Variants in GABRG3 observed in about 807,000 individuals in gnomAD.
GABRG3 encodes gamma-aminobutyric acid type A receptor subunit gamma3.
A neutral mutation model predicts 48.8 loss-of-function variants in GABRG3; 25 were observed. The observed-to-expected ratio is 0.51, with a 90% CI of 0.37 to 0.72. GABRG3 has a LOEUF of 0.72. GABRG3 is among the 30% of genes least tolerant of loss of function. The probability of loss-of-function intolerance (pLI) is 0.00; values close to 1 mark genes in which losing one functional copy is unlikely to be tolerated. For synonymous variants in GABRG3, 227 were observed against 217.6 expected (o/e 1.04, Z -0.38); for missense variants, 394 against 577.9 (o/e 0.68, Z 3.26).
rs558726717 is a variant in GABRG3, at chr15:27,499,085, C to T, written c.712+18298C>T. ...GCAGTGGTGCTAAGGGCGGTGTTTT[C>T]GGCATCCCAAGATAACCAACCTCAT... On this transcript the variant is annotated intron_variant, in intron 6 of 9. Transcript: ENST00000615808. 7.9e-5 allele frequency among the ~76,000 whole-genome samples: 12 copies of T among 152,226 alleles called. No individual in the cohort carries two copies. The East Asian group carries it at 2.1e-3, about 27-fold the overall frequency.
chr15:27,388,352 GTAAGGAAGGAAGGAA>G (rs1896099421), intron 5 of GABRG3, among the ~76,000 whole-genome samples: 1 of 32,290 alleles, frequency 3.1e-5, no homozygotes, highest in African/African-American at 1.1e-4. Context: ...GGGAGGGAGG[GTAAGGAAGGAAGGAA>G]GAAAGGAAGG....
At chr15:27,089,156 G>A (rs1335575685) in intron 3 of GABRG3, among the ~76,000 whole-genome samples, 2 of 152,222 alleles carry the variant, frequency 1.3e-5, no homozygotes, top group Non-Finnish European at 2.9e-5. Context: ...ACTTGTGGGT[G>A]CAAAGAATGG....
At chr15:27,194,914 G>C (rs756938169) in intron 3 of GABRG3, among the ~76,000 whole-genome samples, 1 of 151,854 alleles carries the variant, frequency 6.6e-6, no homozygotes, top group African/African-American at 2.4e-5. Context: ...TGAAATTGTC[G>C]TACTAGTTCC....
chr15:27,190,051 C>G (rs1406173272), intron 3 of GABRG3, among the ~76,000 whole-genome samples: 1 of 152,164 alleles, frequency 6.6e-6, no homozygotes, highest in Non-Finnish European at 1.5e-5. Context: ...TATATTGAAC[C>G]AGCCTTGCAT....
At chr15:27,116,505 G>A (rs1041405567) in intron 3 of GABRG3, among the ~76,000 whole-genome samples, 4 of 152,200 alleles carry the variant, frequency 2.6e-5, no homozygotes, top group African/African-American at 9.6e-5. Context: ...AAAGATTCTA[G>A]CAAAATAATA....
intron 5 of GABRG3, chr15:27,364,022 G>A (rs1461612888): frequency 6.6e-6 from 1 of 152,186 alleles, no homozygotes; most frequent in Non-Finnish European, 1.5e-5. Context: ...AGAAGAGCAG[G>A]ACGCTGATGT....
At chr15:27,333,618 C>T (rs986123984) in intron 5 of GABRG3, among the ~76,000 whole-genome samples, 7 of 152,088 alleles carry the variant, frequency 4.6e-5, no homozygotes, top group Non-Finnish European at 8.8e-5. Context: ...TCCTTTCTGC[C>T]GCGTAAAGTG....
intron 3 of GABRG3, among the ~76,000 whole-genome samples, chr15:27,298,830 G>A (rs1380614050): frequency 2.0e-5 from 3 of 150,748 alleles, no homozygotes; most frequent in Non-Finnish European, 3.0e-5. Context: ...ATGCTATCCC[G>A]CCCCTAGCCC....
At chr15:26,994,447 TA>T (rs969391436) in intron 2 of GABRG3, among the ~76,000 whole-genome samples, 18 of 150,912 alleles carry the variant, frequency 1.2e-4, no homozygotes, top group South Asian at 2.1e-4. Context: ...CCACTGATAG[TA>T]AAAAAAAATG....
At chr15:27,245,095 A>G (rs1190130916) in intron 3 of GABRG3, among the ~76,000 whole-genome samples, 2 of 152,062 alleles carry the variant, frequency 1.3e-5, no homozygotes, top group Non-Finnish European at 2.9e-5. Context: ...TCATACAGGG[A>G]TGCATTGCTT....
At chr15:27,333,957 A>G (rs1291194349) in intron 5 of GABRG3, among the ~76,000 whole-genome samples, 1 of 152,184 alleles carries the variant, frequency 6.6e-6, no homozygotes, top group Non-Finnish European at 1.5e-5. Flanking sequence ...TTGTTTTGAA[A>G]ATAATTTGTT....
At chr15:27,195,925 G>A (rs180687500) in intron 3 of GABRG3, among the ~76,000 whole-genome samples, 374 of 137,630 alleles carry the variant, frequency 2.7e-3, no homozygotes, top group African/African-American at 8.6e-3. Flanking sequence ...ATCAGCCACC[G>A]CACCCAGCCA....
intron 3 of GABRG3, chr15:27,158,296 T>C (rs1251567329): frequency 6.6e-6 from 1 of 152,126 alleles, no homozygotes; most frequent in African/African-American, 2.4e-5. Context: ...CTGAAGGACA[T>C]TGTGCAACAG....
At chr15:27,353,506 C>T (rs906636763) in intron 5 of GABRG3, among the ~76,000 whole-genome samples, 6 of 151,886 alleles carry the variant, frequency 4.0e-5, no homozygotes, top group South Asian at 2.1e-4. Flanking sequence ...TGCAATGGCA[C>T]GATCTCAGCT....
rs1017040584 is a variant in GABRG3 at position 27,284,265 on chromosome 15, G to A, written c.271-42544G>A. On this transcript the variant is annotated intron_variant, in intron 3 of 9. Transcript: ENST00000615808. Reference sequence around the variant, plus strand: ...GGTAAGTTACTTTATTTGATGTTACGAATCACAGAAAAAATATTTAGAAGC... The same window carrying A: ...GGTAAGTTACTTTATTTGATGTTACAAATCACAGAAAAAATATTTAGAAGC... 4.6e-5 allele frequency among the ~76,000 whole-genome samples: 7 copies of A among 152,018 alleles called. No individual in the cohort carries two copies. The East Asian group carries it at 5.8e-4, about 13-fold the overall frequency.
chr15:27,131,991 G>T (rs1319422287), intron 3 of GABRG3, among the ~76,000 whole-genome samples: 2 of 151,844 alleles, frequency 1.3e-5, no homozygotes, highest in East Asian at 1.9e-4. Flanking sequence ...TTATATTTTT[G>T]ATATTGAGTA....
chr15:27,439,791 C>T (rs1387299186), intron 5 of GABRG3, among the ~76,000 whole-genome samples: 1 of 152,240 alleles, frequency 6.6e-6, no homozygotes, highest in Non-Finnish European at 1.5e-5. Flanking sequence ...GATCTCCCAA[C>T]TCTATTTCCA....
chr15:27,455,107 A>G (rs1362566270), intron 5 of GABRG3, among the ~76,000 whole-genome samples: 2 of 152,206 alleles, frequency 1.3e-5, no homozygotes, highest in Non-Finnish European at 2.9e-5. Context: ...CTGTCTAAAG[A>G]GAATATTCTT....
At chr15:27,307,211 TTATA>T (rs949163316) in intron 3 of GABRG3, among the ~76,000 whole-genome samples, 3 of 138,682 alleles carry the variant, frequency 2.2e-5, no homozygotes, top group East Asian at 2.2e-4. Flanking sequence ...ACAAACATGT[TTATA>T]TATAACCATG....
Sources: allele counts gnomAD v4.1 joint callset (sites outside exome capture counted in the v4.1 genomes callset), GRCh38; gene constraint gnomAD v4.1.1; transcripts MANE v1.5; gene names NCBI Gene and HGNC (gene_info 2026-07-23, HGNC 2026-07-21).